The following SPRY3 variants were observed in gnomAD, a reference collection of about 807,000 sequenced individuals.
SPRY3 encodes sprouty RTK signaling antagonist 3.
A neutral mutation model predicts 20.2 loss-of-function variants in SPRY3; 15 were observed. That is an observed-to-expected ratio of 0.74 (90% CI 0.50 to 1.14). SPRY3 has a LOEUF of 1.14. SPRY3 is among the 50% of genes most tolerant of loss of function. The probability of loss-of-function intolerance (pLI) is 0.00; values close to 1 mark genes in which losing one functional copy is unlikely to be tolerated. For missense variants in SPRY3, 364 were observed against 363.9 expected, an observed-to-expected ratio of 1.00 and a Z score of 0.00; for synonymous variants, 143 against 136.5, an observed-to-expected ratio of 1.05 and a Z score of -0.33.
intron 2 of SPRY3, among the ~76,000 whole-genome samples, chrX:155,690,546 A>G (rs1212879377): frequency 1.1e-5 from 1 of 87,827 alleles, no homozygotes; most frequent in Non-Finnish European, 2.1e-5. Flanking sequence ...TTTCAATCCT[A>G]ATTTCAGACA....
intron 1 of SPRY3, among the ~76,000 whole-genome samples, chrX:155,637,732 G>T (rs1452719526): frequency 1.2e-4 from 13 of 111,570 alleles, no homozygotes; most frequent in African/African-American, 4.2e-4. Context: ...AGGAGTGGTA[G>T]CTGCTTCCTG....
chrX:155,646,773 T>A (rs1222238885), intron 1 of SPRY3, among the ~76,000 whole-genome samples: 3 of 111,180 alleles, frequency 2.7e-5, no homozygotes, highest in African/African-American at 9.8e-5. Context: ...TTCTTTTTAT[T>A]TCCTTTAATT....
chrX:155,633,288 T>C lies in SPRY3; in HGVS notation c.-441+20641T>C, dbSNP rs112210293. Among the ~76,000 whole-genome samples the C allele has an allele frequency of 2.2e-3, 230 of 104,135 alleles. 1 individual carries two copies. Among genetic ancestry groups the C allele is most frequent in the African/African-American group, 7.4e-3 (209 of 28,092 alleles). 90.4% of individuals were successfully genotyped at this position (104,135 alleles called of 115,157 possible). ...GGGCACGGTGGCTCACGCCTGTAATTCCAGCACTTTGGGAGGCCGAGGCGG... is the reference window on the plus strand; with the variant it reads ...GGGCACGGTGGCTCACGCCTGTAATCCCAGCACTTTGGGAGGCCGAGGCGG... On this transcript the variant is annotated intron_variant, in intron 1 of 3. Transcript: ENST00000675360.
chrX:155,747,002 G>A lies in SPRY3; in HGVS notation c.-281-20960G>A, dbSNP rs142960900. ...AAACTGTGGATCTGGGACCACATGC[G>A]ACTCCAAGTAAACTTTCAGCCCTCA... On this transcript the variant is annotated intron_variant, in intron 2 of 3. Transcript: ENST00000675360. 2.2e-3 allele frequency among the ~76,000 whole-genome samples: 329 copies of A among 151,792 alleles called. 1 individual carries two copies. Among genetic ancestry groups the A allele is most frequent in the African/African-American group, 7.5e-3 (309 of 41,424 alleles).
At chrX:155,721,985 A>G (rs2091062153) in intron 2 of SPRY3, among the ~76,000 whole-genome samples, 1 of 152,008 alleles carries the variant, frequency 6.6e-6, no homozygotes, top group Non-Finnish European at 1.5e-5. Flanking sequence ...GGACCAATCA[A>G]AAACAATAAC....
intron 1 of SPRY3, among the ~76,000 whole-genome samples, chrX:155,624,933 C>G (rs1157187228): frequency 9.0e-6 from 1 of 111,237 alleles, no homozygotes; most frequent in Non-Finnish European, 1.9e-5. Context: ...CATTCTAGTA[C>G]AAACGTAAAT....
intron 2 of SPRY3, among the ~76,000 whole-genome samples, chrX:155,691,079 T>C (rs2068100927): frequency 1.1e-5 from 1 of 87,161 alleles, no homozygotes; most frequent in African/African-American, 5.5e-5. Context: ...TTGAAAATAT[T>C]TTTCCTATGT....
At chrX:155,652,747 G>A (rs1402931251) in intron 1 of SPRY3, among the ~76,000 whole-genome samples, 1 of 111,989 alleles carries the variant, frequency 8.9e-6, no homozygotes, top group South Asian at 3.7e-4. Context: ...ATATCTTGGA[G>A]TGGAATTGCT....
At chrX:155,716,108 C>G (rs1036303796) in intron 2 of SPRY3, among the ~76,000 whole-genome samples, 2 of 152,130 alleles carry the variant, frequency 1.3e-5, no homozygotes, top group African/African-American at 4.8e-5. Context: ...GGTGTTCCAG[C>G]AGGGGGGATG....
intron 2 of SPRY3, among the ~76,000 whole-genome samples, chrX:155,662,523 G>C (rs947379176): frequency 2.7e-5 from 3 of 109,738 alleles, no homozygotes; most frequent in African/African-American, 1.0e-4. Flanking sequence ...AGGCCAGTAG[G>C]TGGTGCTTGC....
chrX:155,755,101 G>A (rs1179793478), intron 2 of SPRY3, among the ~76,000 whole-genome samples: 2 of 141,198 alleles, frequency 1.4e-5, no homozygotes, highest in African/African-American at 3.2e-5. Context: ...AGGCTGTTGG[G>A]TAACAGCAGT....
intron 2 of SPRY3, among the ~76,000 whole-genome samples, chrX:155,678,009 T>TA (rs1211546282): frequency 9.0e-6 from 1 of 111,612 alleles, no homozygotes; most frequent in Non-Finnish European, 1.9e-5. Flanking sequence ...GATGTGGTCT[T>TA]ATGGAAAAAC....
chrX:155,625,252 T>C (rs1197007064), intron 1 of SPRY3, among the ~76,000 whole-genome samples: 1 of 111,687 alleles, frequency 9.0e-6, no homozygotes, highest in African/African-American at 3.2e-5. Context: ...GAGAGAATGA[T>C]ACACTGATCC....
intron 1 of SPRY3, among the ~76,000 whole-genome samples, chrX:155,614,972 A>G (rs1446462653): frequency 8.9e-6 from 1 of 111,878 alleles, no homozygotes; most frequent in African/African-American, 3.2e-5. Context: ...TCTGCTTCCA[A>G]AATATAATCT....
intron 2 of SPRY3, among the ~76,000 whole-genome samples, chrX:155,706,649 A>G (rs2090953592): frequency 6.6e-6 from 1 of 151,020 alleles, no homozygotes; most frequent in African/African-American, 2.4e-5. Context: ...ATCAGGAAAG[A>G]ATAATTCCCA....
chrX:155,619,705 A>C (rs2124519506), intron 1 of SPRY3, among the ~76,000 whole-genome samples: 1 of 111,749 alleles, frequency 8.9e-6, no homozygotes, highest in African/African-American at 3.2e-5. Flanking sequence ...CATTAACATT[A>C]AAAACTTCTG....
intron 2 of SPRY3, among the ~76,000 whole-genome samples, chrX:155,695,248 A>G (rs1372552534): frequency 9.0e-6 from 1 of 111,351 alleles, no homozygotes; most frequent in Non-Finnish European, 1.9e-5. Context: ...TTCACAATTT[A>G]TAAAACTAGA....
At chrX:155,743,297 A>G (rs2091211954) in intron 2 of SPRY3, among the ~76,000 whole-genome samples, 1 of 152,164 alleles carries the variant, frequency 6.6e-6, no homozygotes, top group African/African-American at 2.4e-5. Context: ...TCAGAGATCT[A>G]GGGGAATTGG....
chrX:155,623,248 T>C (rs2067876999), intron 1 of SPRY3, among the ~76,000 whole-genome samples: 1 of 112,104 alleles, frequency 8.9e-6, no homozygotes, highest in Non-Finnish European at 1.9e-5. Context: ...TTCTTTTCTT[T>C]ATGGCTATTG....
Sources: gnomAD v4.1 joint callset for allele counts (sites outside exome capture counted in the v4.1 genomes callset) on GRCh38, gnomAD v4.1.1 for gene constraint, MANE v1.5 for transcripts, NCBI Gene and HGNC (gene_info 2026-07-23, HGNC 2026-07-21) for gene names.